Variants in FHL5 observed in about 807,000 individuals in gnomAD.
FHL5 encodes four and a half LIM domains protein 5.
FHL5 carries 33 observed loss-of-function variants against 32.0 expected under a neutral mutation model. The ratio of observed to expected loss-of-function variants is 1.03; its 90% CI spans 0.78 to 1.38. FHL5 has a LOEUF of 1.38. FHL5 is among the 40% of genes most tolerant of loss of function. FHL5 has a pLI of 0.00. For synonymous variants in FHL5, 114 were observed against 113.6 expected, an observed-to-expected ratio of 1.00 and a Z score of -0.02; for missense variants, 336 against 343.9, an observed-to-expected ratio of 0.98 and a Z score of 0.18.
intron 1 of FHL5, among the ~76,000 whole-genome samples, chr6:96,596,312 G>A (rs897593226): frequency 4.6e-5 from 7 of 151,872 alleles, no homozygotes; most frequent in East Asian, 1.9e-4. Context: ...TATTTTGTTC[G>A]TTTTTTATTC....
intron 5 of FHL5, among the ~76,000 whole-genome samples, chr6:96,614,944 C>G (rs1431020848): frequency 6.6e-6 from 1 of 152,156 alleles, no homozygotes; most frequent in African/African-American, 2.4e-5. Context: ...TGGCCAGATT[C>G]AACAAAAGCT....
intron 4 of FHL5, among the ~76,000 whole-genome samples, chr6:96,609,661 T>C (rs528383337): frequency 1.3e-5 from 2 of 152,358 alleles, no homozygotes; most frequent in East Asian, 3.9e-4. Context: ...AGATACAATA[T>C]TGGAATTGCT....
In FHL5 at chr6:96,573,764, G is replaced by A. The variant is rs140193453; in HGVS notation, c.-13+10409G>A. ...TCTCGATCTCCTGACCTCATGATCC[G>A]CCCACATCAGCCTCCCAGAGTGTTG... is the stretch of plus-strand genomic sequence containing the variant. On this transcript the variant is annotated intron_variant, in intron 1 of 5. Coordinates refer to ENST00000450218, the MANE Select transcript of FHL5 (RefSeq NM_001322466.2). 1.4e-4 allele frequency among the ~76,000 whole-genome samples: 21 copies of A among 151,614 alleles called. No homozygotes were observed. The East Asian group carries it at 1.8e-3, about 13-fold the overall frequency.
chr6:96,594,400 C>T (rs1770993635), intron 1 of FHL5, among the ~76,000 whole-genome samples: 2 of 151,324 alleles, frequency 1.3e-5, no homozygotes, highest in African/African-American at 2.4e-5. Context: ...CCTTTCTTGT[C>T]ACATGGCTAG....
At chr6:96,583,270 A>C (rs1208562015) in intron 1 of FHL5, among the ~76,000 whole-genome samples, 1 of 152,162 alleles carries the variant, frequency 6.6e-6, no homozygotes, top group Non-Finnish European at 1.5e-5. Context: ...AATTATTCTA[A>C]CTTTTTCGTA....
At chr6:96,565,977 C>G (rs1037265978) in intron 1 of FHL5, among the ~76,000 whole-genome samples, 1 of 151,806 alleles carries the variant, frequency 6.6e-6, no homozygotes, top group Non-Finnish European at 1.5e-5. Flanking sequence ...ATATTTATTA[C>G]CTTATTTTTC....
In FHL5 at chr6:96,616,201, T is replaced by A. The variant is rs1771518421; in HGVS notation, c.*429T>A. 6.6e-6 allele frequency: 1 copy of A among 152,568 alleles called. No homozygotes were observed. Among genetic ancestry groups the A allele is most frequent in the Admixed American group, 6.5e-5 (1 of 15,284 alleles). 9.5% of individuals were successfully genotyped at this position (152,568 alleles called of 1,614,324 possible). Reference sequence around the variant, plus strand: ...GTTATATGTAATGTGATAAATTAGCTATGAATGGTAAAAGAACAAAACTGA... The same window carrying A: ...GTTATATGTAATGTGATAAATTAGCAATGAATGGTAAAAGAACAAAACTGA... On this transcript the variant is annotated 3_prime_UTR_variant, in exon 6 of 6. Coordinates refer to ENST00000450218, the MANE Select transcript of FHL5 (RefSeq NM_001322466.2).
chr6:96,570,929 T>C (rs1019122966), intron 1 of FHL5, among the ~76,000 whole-genome samples: 4 of 152,142 alleles, frequency 2.6e-5, no homozygotes, highest in Admixed American at 2.0e-4. Flanking sequence ...TGTATCTGTG[T>C]TTCCTTGTAT....
At chr6:96,603,384 C>T (rs567316067) in intron 1 of FHL5, among the ~76,000 whole-genome samples, 49 of 151,708 alleles carry the variant, frequency 3.2e-4, no homozygotes, top group Non-Finnish European at 5.9e-4. Flanking sequence ...TTTTTTTTAG[C>T]AAAACATACA....
intron 1 of FHL5, among the ~76,000 whole-genome samples, chr6:96,580,020 T>C (rs1234797416): frequency 1.3e-5 from 2 of 152,288 alleles, no homozygotes; most frequent in South Asian, 2.1e-4. Context: ...AGAGATAGGA[T>C]ACTTGTATCC....
At chr6:96,591,498 T>G (rs2127967087) in intron 1 of FHL5, among the ~76,000 whole-genome samples, 1 of 152,274 alleles carries the variant, frequency 6.6e-6, no homozygotes, top group African/African-American at 2.4e-5. Flanking sequence ...CGTGGGTGGA[T>G]GATTAATAAA....
intron 1 of FHL5, among the ~76,000 whole-genome samples, chr6:96,564,216 T>G (rs527648600): frequency 6.6e-6 from 1 of 152,314 alleles, no homozygotes; most frequent in East Asian, 1.9e-4. Context: ...ATTTTAGCCC[T>G]CATTTTATAT....
chr6:96,606,650 C>T (rs1439757718), intron 4 of FHL5, among the ~76,000 whole-genome samples: 1 of 152,170 alleles, frequency 6.6e-6, no homozygotes, highest in Non-Finnish European at 1.5e-5. Context: ...CCACACTCGG[C>T]CCATTCACTG....
intron 1 of FHL5, among the ~76,000 whole-genome samples, chr6:96,592,376 C>A (rs531402061): frequency 6.6e-6 from 1 of 152,210 alleles, no homozygotes; most frequent in Admixed American, 6.5e-5. Context: ...TTCCGCCCAG[C>A]TCACTGGCGG....
intron 1 of FHL5, among the ~76,000 whole-genome samples, chr6:96,583,265 T>C (rs1028309119): frequency 2.0e-5 from 3 of 152,206 alleles, no homozygotes; most frequent in Admixed American, 1.3e-4. Flanking sequence ...TTACTAATTA[T>C]TCTAACTTTT....
chr6:96,601,471 T>G (rs1373155343), intron 1 of FHL5, among the ~76,000 whole-genome samples: 1 of 152,250 alleles, frequency 6.6e-6, no homozygotes, highest in Admixed American at 6.5e-5. Flanking sequence ...TCTGATCTGA[T>G]CACTAAATAA....
chr6:96,598,095 C>T (rs1316821468), intron 1 of FHL5, among the ~76,000 whole-genome samples: 1 of 152,172 alleles, frequency 6.6e-6, no homozygotes, highest in Non-Finnish European at 1.5e-5. Context: ...GTGGTAGAGA[C>T]TGCCCTTTGC....
chr6:96,569,532 TCC>T (rs1770430101), intron 1 of FHL5, among the ~76,000 whole-genome samples: 1 of 152,050 alleles, frequency 6.6e-6, no homozygotes, highest in South Asian at 2.1e-4. Flanking sequence ...GGTGTTGAAG[TCC>T]CCAGCTATAA....
rs9373985 is a variant in FHL5, at chr6:96,615,646, C to T, written c.729C>T (p.Ser243=). The change falls in exon 6 of 6, where the codon AGC becomes AGT. Residue 243 remains serine (S), a synonymous_variant. Transcript: ENST00000450218. ...TGAKFICFQD[S]QWHSECFNCG... ...CCAAGTTTATCTGCTTTCAAGACAG[C>T]CAGTGGCATAGCGAATGCTTTAACT... 1.2e-6 allele frequency: 2 copies of T among 1,612,118 alleles called. No individual in the cohort carries two copies. The highest frequency in any genetic ancestry group is 2.2e-5 in the South Asian group (2 of 90,714).
Sources: gnomAD v4.1 joint callset for allele counts (sites outside exome capture counted in the v4.1 genomes callset) on GRCh38, gnomAD v4.1.1 for gene constraint, MANE v1.5 for transcripts, NCBI Gene and HGNC (gene_info 2026-07-23, HGNC 2026-07-21) for gene names.